The following COMMD10 variants were observed in gnomAD, a reference collection of about 807,000 sequenced individuals.
COMMD10 encodes COMM domain containing 10.
COMMD10 carries 33 observed loss-of-function variants against 28.9 expected under a neutral mutation model. The ratio of observed to expected loss-of-function variants is 1.14; its 90% CI spans 0.87 to 1.53. COMMD10 has a LOEUF of 1.53. Ranked by LOEUF, COMMD10 falls within the 40% of genes most tolerant of loss-of-function variation. COMMD10 has a pLI of 0.00. For synonymous variants in COMMD10, 110 were observed against 81.7 expected (o/e 1.35, Z -1.87); for missense variants, 310 against 233.4 (o/e 1.33, Z -2.14).
At chr5:116,115,891 CT>C (rs1386678979) in intron 4 of COMMD10, among the ~76,000 whole-genome samples, 2 of 152,106 alleles carry the variant, frequency 1.3e-5, no homozygotes, top group Non-Finnish European at 2.9e-5. Flanking sequence ...GTATCTTGCT[CT>C]TTAAAGCATG....
rs142006348 is a variant in COMMD10 at position 116,186,247 on chromosome 5, A to G, written c.510+52069A>G. On this transcript the variant is annotated intron_variant, in intron 5 of 6. Coordinates refer to ENST00000274458, the MANE Select transcript of COMMD10 (RefSeq NM_016144.4). The stretch of plus-strand genomic sequence containing the variant: ...CAAATTGTTTATTTTCATTGTCTTT[A>G]GCCCATTCCAATACAGCTTCTGCTC... Among the ~76,000 whole-genome samples, 303 of 152,220 alleles carry G rather than the reference A, an allele frequency of 2.0e-3. 2 individuals are homozygous for G. Among genetic ancestry groups the G allele is most frequent in the African/African-American group, 6.9e-3 (288 of 41,548 alleles).
rs140161344 is a variant in COMMD10, at chr5:116,239,114, G to T, written c.511-52403G>T. 2.6e-5 allele frequency among the ~76,000 whole-genome samples: 4 copies of T among 151,874 alleles called. No homozygotes were observed. The East Asian group carries it at 7.7e-4, about 29-fold the overall frequency. The stretch of plus-strand genomic sequence containing the variant: ...AGAGAACAGCAAAGCTTGTTTTTTT[G>T]CCAATCGCAAATTTATACTCAATTT... On this transcript the variant is annotated intron_variant, in intron 5 of 6. Transcript: ENST00000274458.
At chr5:116,207,840 A>G (rs970399198) in intron 5 of COMMD10, among the ~76,000 whole-genome samples, 5 of 152,232 alleles carry the variant, frequency 3.3e-5, no homozygotes, top group Admixed American at 3.3e-4. Flanking sequence ...TTTTCTCTGT[A>G]TCACACTCCC....
At chr5:116,199,724 T>G (rs1228236977) in intron 5 of COMMD10, among the ~76,000 whole-genome samples, 1 of 152,172 alleles carries the variant, frequency 6.6e-6, no homozygotes, top group Non-Finnish European at 1.5e-5. Context: ...GCCTAAAATT[T>G]TCTTGATTTT....
chr5:116,161,707 A>G (rs989599131), intron 5 of COMMD10, among the ~76,000 whole-genome samples: 3 of 152,214 alleles, frequency 2.0e-5, no homozygotes, highest in Admixed American at 6.5e-5. Flanking sequence ...GCAGATCTTC[A>G]TAAAGATCTT....
At chr5:116,178,700 G>T (rs1747841483) in intron 5 of COMMD10, among the ~76,000 whole-genome samples, 1 of 151,998 alleles carries the variant, frequency 6.6e-6, no homozygotes, top group Admixed American at 6.6e-5. Flanking sequence ...TAGCCTAGAT[G>T]GGCCTTTTGC....
intron 5 of COMMD10, among the ~76,000 whole-genome samples, chr5:116,196,397 A>G (rs1025317885): frequency 2.6e-5 from 4 of 152,116 alleles, no homozygotes; most frequent in African/African-American, 9.7e-5. Flanking sequence ...GGTGCAGTGT[A>G]TACTGCTTGG....
chr5:116,087,629 G>A, intron 2 of COMMD10, 42 bp downstream of exon 2: 2 of 1,319,282 alleles, frequency 1.5e-6, no homozygotes, highest in Non-Finnish European at 2.2e-6. Context: ...TCTTCCTTCT[G>A]ATTTAATTGA....
intron 5 of COMMD10, among the ~76,000 whole-genome samples, chr5:116,190,265 G>C (rs183987660): frequency 1.3e-5 from 2 of 152,102 alleles, no homozygotes; most frequent in Admixed American, 6.5e-5. Flanking sequence ...AGTAGAAAAT[G>C]TTATGAAACT....
intron 5 of COMMD10, among the ~76,000 whole-genome samples, chr5:116,277,203 A>G (rs756363759): frequency 2.0e-5 from 3 of 151,906 alleles, no homozygotes; most frequent in Non-Finnish European, 2.9e-5. Context: ...CACAATAGAC[A>G]TATTTCAAAC....
intron 5 of COMMD10, among the ~76,000 whole-genome samples, chr5:116,255,527 A>G (rs935376370): frequency 2.0e-5 from 3 of 151,218 alleles, no homozygotes; most frequent in East Asian, 3.9e-4. Context: ...TTGCTTGAGC[A>G]GACTCTATTT....
intron 4 of COMMD10, among the ~76,000 whole-genome samples, chr5:116,113,743 C>T (rs551669135): frequency 2.8e-4 from 42 of 152,064 alleles, no homozygotes; most frequent in African/African-American, 1.0e-3. Flanking sequence ...TCTCATTGAA[C>T]TTAATTGAAA....
At chr5:116,173,687 T>G (rs1753409402) in intron 5 of COMMD10, among the ~76,000 whole-genome samples, 2 of 152,110 alleles carry the variant, frequency 1.3e-5, no homozygotes, top group Admixed American at 1.3e-4. Flanking sequence ...AGTAGAGAGT[T>G]ATAGTTTCAT....
intron 5 of COMMD10, among the ~76,000 whole-genome samples, chr5:116,270,455 T>A (rs1561401965): frequency 6.6e-6 from 1 of 151,862 alleles, no homozygotes; most frequent in Non-Finnish European, 1.5e-5. Flanking sequence ...GAGTAGCATT[T>A]CGAAAAACTG....
chr5:116,210,290 G>A (rs1442753836), intron 5 of COMMD10, among the ~76,000 whole-genome samples: 2 of 151,588 alleles, frequency 1.3e-5, no homozygotes, highest in Non-Finnish European at 2.9e-5. Flanking sequence ...TTAAACTTAA[G>A]CATTTTATTC....
intron 5 of COMMD10, among the ~76,000 whole-genome samples, chr5:116,184,522 G>C (rs1748077721): frequency 6.6e-6 from 1 of 151,762 alleles, no homozygotes; most frequent in African/African-American, 2.4e-5. Context: ...TGATAATATT[G>C]GTTAACACTG....
intron 5 of COMMD10, among the ~76,000 whole-genome samples, chr5:116,215,498 C>A (rs927110174): frequency 6.6e-6 from 1 of 151,314 alleles, no homozygotes; most frequent in Non-Finnish European, 1.5e-5. Flanking sequence ...ACCATCCTCG[C>A]CAACAAGGTG....
chr5:116,181,701 C>T (rs1464037076), intron 5 of COMMD10, among the ~76,000 whole-genome samples: 6 of 151,794 alleles, frequency 4.0e-5, no homozygotes, highest in Admixed American at 2.0e-4. Flanking sequence ...ATGGTGGAAC[C>T]GTTTGACCTA....
intron 5 of COMMD10, chr5:116,217,951 A>G (rs1040076732): frequency 3.5e-5 from 27 of 774,588 alleles, no homozygotes; most frequent in African/African-American, 3.1e-4. Context: ...GCATTTTTAT[A>G]AAACTTGGTA....
Sources: allele counts gnomAD v4.1 joint callset (sites outside exome capture counted in the v4.1 genomes callset), GRCh38; gene constraint gnomAD v4.1.1; transcripts MANE v1.5; gene names NCBI Gene and HGNC (gene_info 2026-07-23, HGNC 2026-07-21).